CHODL: variants seen among roughly 807,000 people sequenced by gnomAD.
CHODL encodes chondrolectin.
In CHODL, 29 loss-of-function variants were observed where a neutral mutation model predicts 34.5. The observed-to-expected ratio is 0.84, with a 90% CI of 0.63 to 1.15. The LOEUF is 1.15. Ranked by LOEUF, CHODL falls within the 50% of genes most tolerant of loss-of-function variation. CHODL has a pLI of 0.00. For missense variants in CHODL, 332 were observed against 332.5 expected, an observed-to-expected ratio of 1.00 and a Z score of 0.01; for synonymous variants, 125 against 116.1, an observed-to-expected ratio of 1.08 and a Z score of -0.49.
chr21:18,175,489 A>G (rs908108869), intron 2 of CHODL, among the ~76,000 whole-genome samples: 1 of 151,878 alleles, frequency 6.6e-6, no homozygotes, highest in Admixed American at 6.6e-5. Flanking sequence ...GCTACTCGGG[A>G]GGCTGAGGCA....
At chr21:18,205,963 C>A (rs1414176691) in intron 2 of CHODL, among the ~76,000 whole-genome samples, 1 of 152,054 alleles carries the variant, frequency 6.6e-6, no homozygotes, top group East Asian at 1.9e-4. Context: ...CCTCTTGTTA[C>A]TGATTTTTAG....
At chr21:18,108,827 C>A (rs1030840416) in intron 2 of CHODL, among the ~76,000 whole-genome samples, 1 of 142,682 alleles carries the variant, frequency 7.0e-6, no homozygotes, top group Admixed American at 7.0e-5. Context: ...AGATTCTCTT[C>A]TTTGCAATGT....
intron 4 of CHODL, 46 bp from the exon 5 acceptor site, chr21:18,262,745 T>A: frequency 9.0e-7 from 1 of 1,115,712 alleles, no homozygotes; most frequent in Middle Eastern, 2.1e-4. Flanking sequence ...TGCTTTAGAA[T>A]TCTTCCTCAA....
At chr21:17,943,734 C>T (rs562547526) in intron 1 of CHODL, among the ~76,000 whole-genome samples, 2 of 152,140 alleles carry the variant, frequency 1.3e-5, no homozygotes, top group Non-Finnish European at 2.9e-5. Context: ...CTCTCTGTCC[C>T]CCAAGTCAGC....
At chr21:17,949,159 A>G (rs79427337) in intron 1 of CHODL, among the ~76,000 whole-genome samples, 1 of 152,172 alleles carries the variant, frequency 6.6e-6, no homozygotes. Flanking sequence ...ACAGCTACCC[A>G]GTCTTCATGT....
intron 2 of CHODL, among the ~76,000 whole-genome samples, chr21:18,199,781 A>C (rs2073631598): frequency 6.6e-6 from 1 of 152,040 alleles, no homozygotes; most frequent in African/African-American, 2.4e-5. Context: ...ATGGCTTAAG[A>C]GCTTGTTTCT....
At chr21:18,062,421 C>T (rs1230335169) in intron 2 of CHODL, among the ~76,000 whole-genome samples, 1 of 151,628 alleles carries the variant, frequency 6.6e-6, no homozygotes, top group Admixed American at 6.6e-5. Context: ...GTTGGCCACG[C>T]TGGTCTCGAA....
At chr21:18,260,380 G>A in intron 4 of CHODL, 94 bp downstream of exon 4, 1 of 764,208 alleles carries the variant, frequency 1.3e-6, no homozygotes, top group South Asian at 1.8e-5. Context: ...GTCTTGCCTG[G>A]GGAAGTGGTT....
At chr21:18,003,379 A>G (rs1330138630) in intron 1 of CHODL, among the ~76,000 whole-genome samples, 1 of 130,460 alleles carries the variant, frequency 7.7e-6, no homozygotes, top group East Asian at 2.0e-4. Context: ...AAATAATAAT[A>G]TATTACATTA....
chr21:18,050,701 G>T (rs991577265), intron 2 of CHODL, among the ~76,000 whole-genome samples: 1 of 151,862 alleles, frequency 6.6e-6, no homozygotes, highest in Non-Finnish European at 1.5e-5. Context: ...ACTTACGTAA[G>T]GATCATGATT....
chr21:18,144,475 G>A lies in CHODL; in HGVS notation c.-44-112034G>A, dbSNP rs74484633. ...CATGAAAGTTGGTTCACTTTCAACCGGTGTGCATGTCACTTGTGATGATTT... is the reference window on the plus strand; with the variant it reads ...CATGAAAGTTGGTTCACTTTCAACCAGTGTGCATGTCACTTGTGATGATTT... On this transcript the variant is annotated intron_variant, in intron 2 of 6. Coordinates refer to the CHODL transcript ENST00000400127. 7.2e-4 allele frequency among the ~76,000 whole-genome samples: 109 copies of A among 152,048 alleles called. 1 individual carries two copies. The highest frequency in any genetic ancestry group is 2.2e-3 in the African/African-American group (91 of 41,480).
chr21:18,227,335 A>C (rs1240949175), intron 2 of CHODL, among the ~76,000 whole-genome samples: 1 of 152,190 alleles, frequency 6.6e-6, no homozygotes. Context: ...AAGTTTTAAC[A>C]TAAATAGCTC....
At chr21:18,011,199 G>A (rs2064016253) in intron 1 of CHODL, among the ~76,000 whole-genome samples, 1 of 152,164 alleles carries the variant, frequency 6.6e-6, no homozygotes, top group Non-Finnish European at 1.5e-5. Context: ...TTTAATGTTT[G>A]TATTAAATAT....
At chr21:18,161,473 C>T (rs1247608961) in intron 2 of CHODL, among the ~76,000 whole-genome samples, 1 of 152,216 alleles carries the variant, frequency 6.6e-6, no homozygotes, top group Non-Finnish European at 1.5e-5. Flanking sequence ...TCCCCATTTA[C>T]TAGCTGTTGT....
chr21:18,215,423 G>A (rs949145295), intron 2 of CHODL, among the ~76,000 whole-genome samples: 2 of 152,092 alleles, frequency 1.3e-5, no homozygotes, highest in Non-Finnish European at 2.9e-5. Flanking sequence ...ATCAAACATA[G>A]CAGAGAGATA....
chr21:18,155,117 C>T (rs1250800290), intron 2 of CHODL, among the ~76,000 whole-genome samples: 1 of 152,106 alleles, frequency 6.6e-6, no homozygotes. Flanking sequence ...ATTTATTCAT[C>T]CTGTTAGTAC....
At chr21:18,150,405 A>G (rs2072949091) in intron 2 of CHODL, among the ~76,000 whole-genome samples, 1 of 152,142 alleles carries the variant, frequency 6.6e-6, no homozygotes, top group African/African-American at 2.4e-5. Flanking sequence ...CTGGCCAAGG[A>G]GAAAGTCCAT....
chr21:18,211,436 A>G (rs2073773922), intron 2 of CHODL, among the ~76,000 whole-genome samples: 1 of 152,190 alleles, frequency 6.6e-6, no homozygotes, highest in Non-Finnish European at 1.5e-5. Flanking sequence ...ATTAAAAACA[A>G]TCAATGGCCC....
chr21:18,022,448 A>G (rs1374610186), intron 1 of CHODL: 1 of 152,190 alleles, frequency 6.6e-6, no homozygotes, highest in Non-Finnish European at 1.5e-5. Context: ...TACATCTGCA[A>G]ATGGGACAAG....
Sources: allele counts gnomAD v4.1 joint callset (sites outside exome capture counted in the v4.1 genomes callset), GRCh38; gene constraint gnomAD v4.1.1; transcripts MANE v1.5; gene names NCBI Gene and HGNC (gene_info 2026-07-23, HGNC 2026-07-21).